RBFOX3: variants seen among roughly 807,000 people sequenced by gnomAD.
The protein encoded by RBFOX3 is RNA binding fox-1 homolog 3.
Under a neutral mutation model 48.7 loss-of-function variants are expected in RBFOX3, and 17 were observed. The ratio of observed to expected loss-of-function variants is 0.35; its 90% CI spans 0.24 to 0.52. The LOEUF (loss-of-function observed/expected upper bound fraction) is 0.52. Ranked by LOEUF, RBFOX3 falls within the 20% of genes least tolerant of loss-of-function variation. RBFOX3 has a pLI of 0.94. For missense variants in RBFOX3, 382 were observed against 497.5 expected (o/e 0.77, Z 2.21); for synonymous variants, 212 against 209.5 (o/e 1.01, Z -0.10).
chr17:79,143,678 G>A (rs371430471), intron 4 of RBFOX3, among the ~76,000 whole-genome samples: 26 of 152,308 alleles, frequency 1.7e-4, no homozygotes, highest in East Asian at 5.8e-4. Context: ...GGACAGGAAC[G>A]GGGTAGGGGA....
intron 2 of RBFOX3, among the ~76,000 whole-genome samples, chr17:79,351,302 G>A (rs1041741044): frequency 6.6e-6 from 1 of 152,206 alleles, no homozygotes; most frequent in Non-Finnish European, 1.5e-5. Flanking sequence ...CCACAGGGTA[G>A]GGCTCTGTAT....
intron 4 of RBFOX3, among the ~76,000 whole-genome samples, chr17:79,172,662 T>C (rs1452211376): frequency 2.6e-5 from 4 of 152,184 alleles, no homozygotes. Context: ...GAAAAGAATG[T>C]TCTAGATCGG....
At chr17:79,309,157 A>G (rs1172844110) in intron 2 of RBFOX3, among the ~76,000 whole-genome samples, 1 of 151,992 alleles carries the variant, frequency 6.6e-6, no homozygotes, top group East Asian at 1.9e-4. Context: ...AGTGTATGAC[A>G]TCTTGTTATA....
chr17:79,282,849 T>G (rs72848026), intron 3 of RBFOX3, among the ~76,000 whole-genome samples: 1 of 152,216 alleles, frequency 6.6e-6, no homozygotes, highest in South Asian at 2.1e-4. Context: ...AAGAGGCTGG[T>G]CTACTGGACA....
chr17:79,398,655 G>A (rs1260809979), intron 2 of RBFOX3, among the ~76,000 whole-genome samples: 4 of 152,220 alleles, frequency 2.6e-5, no homozygotes, highest in African/African-American at 4.8e-5. Flanking sequence ...GCGACGATGC[G>A]GCTCCCACGT....
At chr17:79,147,277 C>G (rs1267683143) in intron 4 of RBFOX3, among the ~76,000 whole-genome samples, 1 of 152,260 alleles carries the variant, frequency 6.6e-6, no homozygotes, top group African/African-American at 2.4e-5. Context: ...GTGCCCACCT[C>G]TGCAGGTGGC....
At chr17:79,284,046 G>C (rs1427688765) in intron 3 of RBFOX3, among the ~76,000 whole-genome samples, 1 of 125,992 alleles carries the variant, frequency 7.9e-6, no homozygotes, top group African/African-American at 3.2e-5. Context: ...GCCTGTTTCA[G>C]TACTTATAAA....
the RBFOX3 span, among the ~76,000 whole-genome samples, chr17:79,649,237 C>T: frequency 6.6e-6 from 1 of 152,160 alleles, no homozygotes; most frequent in Non-Finnish European, 1.5e-5. Context: ...ACCTTGGCTT[C>T]CCAAAGTGCT....
At chr17:79,344,176 C>T (rs760038342) in intron 2 of RBFOX3, among the ~76,000 whole-genome samples, 8 of 152,154 alleles carry the variant, frequency 5.3e-5, no homozygotes, top group African/African-American at 7.2e-5. Context: ...TTCTATGTCC[C>T]GGGTCCTGAG....
In RBFOX3 at chr17:79,220,085, T is replaced by TG. The variant is rs545290910; in HGVS notation, c.-34+15680dup. ...TGGCATGGCCTGGGAAGGCACGGGGTGGGGGGGTGGGGGGAGCACGCTGAG... is the reference window on the plus strand; with the variant it reads ...TGGCATGGCCTGGGAAGGCACGGGGTGGGGGGGGTGGGGGGAGCACGCTGAG... On this transcript the variant is annotated intron_variant, in intron 4 of 14. Coordinates refer to ENST00000693108, the MANE Select transcript of RBFOX3 (RefSeq NM_001350451.2). The surrounding 1 kb of genome is among the most constrained non-coding windows in gnomAD (Gnocchi z 5.9). Among the ~76,000 whole-genome samples, 27 of 23,412 alleles carry TG rather than the reference T, an allele frequency of 1.2e-3. No homozygotes were observed. The East Asian group carries it at 0.015, about 13-fold the overall frequency. 15.4% of individuals were successfully genotyped at this position (23,412 alleles called of 152,430 possible). A position where few individuals can be genotyped will look rare whatever the true frequency, so the allele number is the denominator to read the frequency against.
intron 4 of RBFOX3, among the ~76,000 whole-genome samples, chr17:79,207,364 C>T (rs1036015476): frequency 6.6e-6 from 1 of 152,234 alleles, no homozygotes; most frequent in African/African-American, 2.4e-5. Context: ...GAGTGAGGCC[C>T]CCAGTGTCCC....
At chr17:79,488,814 C>T (rs1215717837) in intron 1 of RBFOX3, among the ~76,000 whole-genome samples, 2 of 152,206 alleles carry the variant, frequency 1.3e-5, no homozygotes, top group Non-Finnish European at 2.9e-5. Context: ...CACAGCTGCG[C>T]TTTCTCCTAA....
chr17:79,540,563 C>T (rs1441735908), intron 1 of RBFOX3, among the ~76,000 whole-genome samples: 1 of 152,224 alleles, frequency 6.6e-6, no homozygotes, highest in African/African-American at 2.4e-5. Flanking sequence ...GCTGTTCTCT[C>T]CTCCCACGCA....
intron 1 of RBFOX3, among the ~76,000 whole-genome samples, chr17:79,495,647 G>A (rs112814730): frequency 0.13 from 10,390 of 82,966 alleles, 2,310 homozygotes; most frequent in African/African-American, 0.18. Context: ...AGGGATGGGG[G>A]TGCAGGAAGG....
chr17:79,167,984 G>A (rs931223263), intron 4 of RBFOX3, among the ~76,000 whole-genome samples: 1 of 152,220 alleles, frequency 6.6e-6, no homozygotes, highest in African/African-American at 2.4e-5. Flanking sequence ...ACCACAGAGT[G>A]GGGGGCAGTG....
intron 3 of RBFOX3, among the ~76,000 whole-genome samples, chr17:79,302,976 G>A (rs539529174): frequency 1.5e-4 from 23 of 152,284 alleles, no homozygotes; most frequent in East Asian, 5.8e-4. Flanking sequence ...ATGTAAGGCC[G>A]GAGGATTTCT....
chr17:79,159,372 G>A (rs1599732225), intron 4 of RBFOX3, among the ~76,000 whole-genome samples: 3 of 152,236 alleles, frequency 2.0e-5, no homozygotes, highest in African/African-American at 4.8e-5. Flanking sequence ...CCTGCCTGCG[G>A]CCCTGGCTCT....
At chr17:79,609,634 C>T (rs1368605549) in intron 1 of RBFOX3, among the ~76,000 whole-genome samples, 1 of 151,548 alleles carries the variant, frequency 6.6e-6, no homozygotes, top group Non-Finnish European at 1.5e-5. Context: ...CCCGCCCCCA[C>T]CAGTGGACTC....
In RBFOX3 at chr17:79,198,063, T is replaced by C. The variant is rs59551697; in HGVS notation, c.-34+37703A>G. On this transcript the variant is annotated intron_variant, in intron 4 of 14. Coordinates refer to ENST00000693108, the MANE Select transcript of RBFOX3 (RefSeq NM_001350451.2). This position sits in a 1 kb window ranked among gnomAD's most constrained non-coding sequence, Gnocchi z 8.2. Reference sequence around the variant, plus strand: ...CTCTGTCTGCGTCAGGAGAGTCGTGTGGGGTGGGCTTGTCATCCCGGAAGT... The same window carrying C: ...CTCTGTCTGCGTCAGGAGAGTCGTGCGGGGTGGGCTTGTCATCCCGGAAGT... Among the ~76,000 whole-genome samples the C allele has an allele frequency of 0.042, 5,803 of 138,438 alleles. 528 individuals carry two copies. The highest frequency in any genetic ancestry group is 0.16 in the African/African-American group (5,498 of 34,010). 90.8% of individuals were successfully genotyped at this position (138,438 alleles called of 152,430 possible).
Sources: gnomAD v4.1 joint callset for allele counts (sites outside exome capture counted in the v4.1 genomes callset) on GRCh38, gnomAD v4.1.1 for gene constraint, Gnocchi (gnomAD v3.1) non-coding constraint, MANE v1.5 for transcripts, NCBI Gene and HGNC (gene_info 2026-07-23, HGNC 2026-07-21) for gene names.